Variants in NRG1 observed in about 807,000 individuals in gnomAD.
The protein encoded by NRG1 is pro-neuregulin-1, membrane-bound isoform.
In NRG1, 18 loss-of-function variants were observed where a neutral mutation model predicts 63.8. The ratio of observed to expected loss-of-function variants is 0.28; its 90% CI spans 0.19 to 0.42. NRG1 has a LOEUF of 0.42. NRG1 is among the 10% of genes least tolerant of loss of function. The probability of loss-of-function intolerance (pLI) is 1.00; values close to 1 mark genes in which losing one functional copy is unlikely to be tolerated. For missense variants in NRG1, 762 were observed against 814.7 expected (o/e 0.94, Z 0.79); for synonymous variants, 302 against 301.3 (o/e 1.00, Z -0.02).
chr8:32,672,787 A>G (rs982748087), intron 5 of NRG1, among the ~76,000 whole-genome samples: 3 of 152,166 alleles, frequency 2.0e-5, no homozygotes, highest in African/African-American at 7.2e-5. Flanking sequence ...TATAGTAATA[A>G]TGGCCATTGT....
chr8:32,068,626 C>T (rs1825265431), intron 1 of NRG1, among the ~76,000 whole-genome samples: 1 of 152,190 alleles, frequency 6.6e-6, no homozygotes, highest in South Asian at 2.1e-4. Flanking sequence ...CTGTGCATGG[C>T]ATTACCCCTT....
chr8:32,366,677 G>GTGTGTGTATATA (rs1164696498), intron 1 of NRG1, among the ~76,000 whole-genome samples: 6 of 87,516 alleles, frequency 6.9e-5, no homozygotes, highest in South Asian at 3.8e-4. Flanking sequence ...GTGTGTGTGT[G>GTGTGTGTATATA]TATATATATA....
chr8:32,208,193 G>A (rs374321314), intron 1 of NRG1, among the ~76,000 whole-genome samples: 1 of 151,926 alleles, frequency 6.6e-6, no homozygotes, highest in South Asian at 2.1e-4. Context: ...CCTGTCATAT[G>A]GCAGATGGAC....
At chr8:32,698,124 T>G (rs1301863396) in intron 5 of NRG1, among the ~76,000 whole-genome samples, 3 of 151,610 alleles carry the variant, frequency 2.0e-5, no homozygotes, top group Non-Finnish European at 4.4e-5. Flanking sequence ...GAGAATCACT[T>G]GAACCCAGGA....
intron 1 of NRG1, among the ~76,000 whole-genome samples, chr8:31,848,828 A>AT (rs1370965663): frequency 6.6e-6 from 1 of 152,168 alleles, no homozygotes; most frequent in Non-Finnish European, 1.5e-5. Context: ...GCTCCCACTG[A>AT]TTCTACATTA....
At chr8:32,389,759 CTT>C (rs201406660) in intron 1 of NRG1, among the ~76,000 whole-genome samples, 45 of 145,766 alleles carry the variant, frequency 3.1e-4, no homozygotes, top group African/African-American at 7.1e-4. Context: ...GTCTTTCTTT[CTT>C]TTTTTTTTTT....
At chr8:32,298,808 C>A (rs566003885) in intron 1 of NRG1, among the ~76,000 whole-genome samples, 37 of 151,170 alleles carry the variant, frequency 2.4e-4, no homozygotes, top group African/African-American at 8.5e-4. Context: ...GCGGGCGGAT[C>A]ATGAGGTCAA....
intron 1 of NRG1, among the ~76,000 whole-genome samples, chr8:32,550,494 G>C (rs980073817): frequency 2.0e-5 from 3 of 152,174 alleles, no homozygotes; most frequent in African/African-American, 4.8e-5. Context: ...TTCAGAAGAA[G>C]TTTCTGTGGT....
At chr8:32,247,023 A>C (rs1414089070) in intron 1 of NRG1, among the ~76,000 whole-genome samples, 2 of 152,100 alleles carry the variant, frequency 1.3e-5, no homozygotes, top group Non-Finnish European at 2.9e-5. Context: ...GCTCAATTTA[A>C]TTATTCCACA....
chr8:32,005,438 G>C (rs1200912834), intron 1 of NRG1, among the ~76,000 whole-genome samples: 1 of 151,828 alleles, frequency 6.6e-6, no homozygotes, highest in African/African-American at 2.4e-5. Context: ...GATTGGTCAA[G>C]GATGAAAGAA....
At chr8:32,582,131 T>C (rs1840776049) in intron 1 of NRG1, among the ~76,000 whole-genome samples, 1 of 94,792 alleles carries the variant, frequency 1.1e-5, no homozygotes, top group Admixed American at 1.0e-4. Context: ...AGGGTCTTGC[T>C]CTGTCACCCA....
chr8:31,878,156 G>A (rs1418033568), intron 1 of NRG1, among the ~76,000 whole-genome samples: 3 of 152,268 alleles, frequency 2.0e-5, no homozygotes, highest in Non-Finnish European at 2.9e-5. Context: ...GTATTCTCAC[G>A]ATTCTAATTA....
intron 1 of NRG1, among the ~76,000 whole-genome samples, chr8:32,175,066 G>T (rs1195884699): frequency 6.6e-6 from 1 of 152,080 alleles, no homozygotes. Context: ...GATGAACATC[G>T]ATGCAAAAAT....
chr8:32,125,021 G>A (rs1342086146), intron 1 of NRG1, among the ~76,000 whole-genome samples: 2 of 151,840 alleles, frequency 1.3e-5, no homozygotes, highest in South Asian at 4.1e-4. Flanking sequence ...CTTCATGAGT[G>A]GATTAGGGCC....
chr8:31,691,959 A>C (rs1236687670), intron 1 of NRG1, among the ~76,000 whole-genome samples: 1 of 152,106 alleles, frequency 6.6e-6, no homozygotes, highest in Non-Finnish European at 1.5e-5. Context: ...CAGTCTCCTG[A>C]ATAGCTGGGA....
chr8:31,815,998 A>G (rs562919100), intron 1 of NRG1, among the ~76,000 whole-genome samples: 2 of 152,166 alleles, frequency 1.3e-5, no homozygotes, highest in South Asian at 4.2e-4. Flanking sequence ...GCTTATTTTC[A>G]CATTGAATTA....
At chr8:32,353,939 C>T (rs991794557) in intron 1 of NRG1, among the ~76,000 whole-genome samples, 3 of 152,152 alleles carry the variant, frequency 2.0e-5, no homozygotes, top group South Asian at 2.1e-4. Flanking sequence ...AGCAGGTGAG[C>T]GGATAAACAA....
At chr8:32,607,753 G>C (rs1845512218) in intron 3 of NRG1, among the ~76,000 whole-genome samples, 1 of 152,138 alleles carries the variant, frequency 6.6e-6, no homozygotes, top group East Asian at 1.9e-4. Flanking sequence ...GAAACTCGAG[G>C]TGTTTTTGAT....
At chr8:32,190,618 T>G (rs1444130491) in intron 1 of NRG1, among the ~76,000 whole-genome samples, 1 of 152,212 alleles carries the variant, frequency 6.6e-6, no homozygotes, top group Non-Finnish European at 1.5e-5. Context: ...GTGTTTCCCT[T>G]GAAATGTCTC....
Sources: allele counts gnomAD v4.1 joint callset (sites outside exome capture counted in the v4.1 genomes callset), GRCh38; gene constraint gnomAD v4.1.1; transcripts MANE v1.5; gene names NCBI Gene and HGNC (gene_info 2026-07-23, HGNC 2026-07-21).